The following NELL1 variants were observed in gnomAD, a reference collection of about 807,000 sequenced individuals.
The protein encoded by NELL1 is neural EGFL like 1.
NELL1 carries 76 observed loss-of-function variants against 107.4 expected under a neutral mutation model. The observed-to-expected ratio is 0.71, with a 90% CI of 0.59 to 0.86. The LOEUF is 0.86. Among genes scored for constraint, NELL1 ranks in the 40% least tolerant of loss-of-function variants. The pLI is 0.00. For missense variants in NELL1, 1,024 were observed against 1,005.5 expected (o/e 1.02, Z -0.25); for synonymous variants, 353 against 341.2 (o/e 1.03, Z -0.38).
intron 3 of NELL1, among the ~76,000 whole-genome samples, chr11:20,806,306 T>C (rs1366645378): frequency 1.3e-5 from 2 of 151,752 alleles, no homozygotes; most frequent in Non-Finnish European, 2.9e-5. Flanking sequence ...GTTTGCCAGA[T>C]ATACTATTCC....
At chr11:20,786,083 G>A (rs989671275) in intron 3 of NELL1, among the ~76,000 whole-genome samples, 7 of 150,188 alleles carry the variant, frequency 4.7e-5, no homozygotes, top group Non-Finnish European at 1.5e-5. Flanking sequence ...GGGCACTGTG[G>A]CTCATGCCTG....
intron 1 of NELL1, chr11:20,674,490 A>G: frequency 6.5e-7 from 1 of 1,536,052 alleles, no homozygotes; most frequent in Non-Finnish European, 8.7e-7. Flanking sequence ...TTCCTACAGC[A>G]GAAGATATGA....
intron 9 of NELL1, among the ~76,000 whole-genome samples, chr11:20,931,714 T>A (rs962130724): frequency 1.3e-5 from 2 of 152,216 alleles, no homozygotes; most frequent in Non-Finnish European, 2.9e-5. Context: ...CATTTAATGT[T>A]GTGAGGGATA....
chr11:21,329,077 A>G (rs779870591), intron 14 of NELL1, among the ~76,000 whole-genome samples: 3 of 152,142 alleles, frequency 2.0e-5, no homozygotes, highest in Non-Finnish European at 4.4e-5. Flanking sequence ...ATGTTACAAA[A>G]CATGAGAACT....
chr11:20,784,486 G>A (rs1590291051), intron 3 of NELL1, among the ~76,000 whole-genome samples: 1 of 152,274 alleles, frequency 6.6e-6, no homozygotes, highest in East Asian at 1.9e-4. Flanking sequence ...CACATGGGTA[G>A]GTAAGTCGTT....
chr11:21,247,625 T>A (rs1394187625), intron 14 of NELL1, among the ~76,000 whole-genome samples: 2 of 152,210 alleles, frequency 1.3e-5, no homozygotes, highest in African/African-American at 4.8e-5. Context: ...CTGAAGGACC[T>A]ACGTGGGGTA....
chr11:20,872,671 GGTGTGTGT>G (rs61184129), intron 4 of NELL1, among the ~76,000 whole-genome samples: 130 of 137,170 alleles, frequency 9.5e-4, no homozygotes, highest in South Asian at 7.9e-3. Flanking sequence ...CAGTGTTTGA[GGTGTGTGT>G]GTGTGTGTGT....
In NELL1 at chr11:20,847,323, T is replaced by C. The variant is rs138619373; in HGVS notation, c.336-260T>C. On this transcript the variant is annotated intron_variant, in intron 3 of 19. Transcript: ENST00000357134. Reference sequence around the variant, plus strand: ...GTATTTAAGAAACACTGCACTGAGTTTTGCTAATTAGCTGTGGCTTGTTAC... The same window carrying C: ...GTATTTAAGAAACACTGCACTGAGTCTTGCTAATTAGCTGTGGCTTGTTAC... 5.3e-4 allele frequency among the ~76,000 whole-genome samples: 80 copies of C among 152,282 alleles called. 1 individual carries two copies. The highest frequency in any genetic ancestry group is 1.9e-3 in the South Asian group (9 of 4,808).
Position 20,765,164 on chromosome 11 carries a change from A to G in NELL1, c.185-18516A>G, listed in dbSNP as rs542025160. ...CAGAGCAAGACCCTGTCTTTGTTAA[A>G]AAAAAAAAATAAAATGAGGCAGATA... On this transcript the variant is annotated intron_variant, in intron 2 of 19. Coordinates refer to ENST00000357134, the MANE Select transcript of NELL1 (RefSeq NM_006157.5). Among the ~76,000 whole-genome samples, 4 of 145,482 alleles carry G rather than the reference A, an allele frequency of 2.7e-5. No homozygotes were observed. The Admixed American group carries it at 2.8e-4, about 10-fold the overall frequency.
At chr11:21,236,142 TG>T (rs565414991) in intron 14 of NELL1, among the ~76,000 whole-genome samples, 180 of 152,284 alleles carry the variant, frequency 1.2e-3, no homozygotes, top group South Asian at 2.7e-3. Context: ...TTCTTCCAAC[TG>T]AAATCCTATT....
chr11:21,309,276 A>G (rs867745992), intron 14 of NELL1, among the ~76,000 whole-genome samples: 1 of 15,756 alleles, frequency 6.3e-5, no homozygotes, highest in Admixed American at 6.3e-4. Context: ...ATATATATAT[A>G]TATGTATATA....
At chr11:21,540,554 G>A (rs1393252752) in intron 16 of NELL1, among the ~76,000 whole-genome samples, 1 of 152,094 alleles carries the variant, frequency 6.6e-6, no homozygotes, top group Non-Finnish European at 1.5e-5. Flanking sequence ...TCTACAGGCT[G>A]TACAGGAAGC....
intron 13 of NELL1, among the ~76,000 whole-genome samples, chr11:21,215,836 C>T (rs1291316629): frequency 6.6e-6 from 1 of 151,990 alleles, no homozygotes; most frequent in Admixed American, 6.6e-5. Context: ...TGCAGCCTGA[C>T]AATGTAATAG....
Position 20,960,347 on chromosome 11 carries a change from A to G in NELL1, c.1172-85A>G, listed in dbSNP as rs1454721371. 4 of 1,350,496 alleles carry G rather than the reference A, an allele frequency of 3.0e-6. No individual in the cohort carries two copies. In the East Asian group the frequency reaches 7.1e-5, roughly 24 times the overall value. 83.7% of individuals were successfully genotyped at this position (1,350,496 alleles called of 1,614,324 possible). On this transcript the variant is annotated intron_variant, in intron 11 of 19. Coordinates refer to ENST00000357134, the MANE Select transcript of NELL1 (RefSeq NM_006157.5). ...AGTGTATTTTCCTGCATAGTGACATATAATAAAAAATGTTACATACTTTAT... is the reference window on the plus strand; with the variant it reads ...AGTGTATTTTCCTGCATAGTGACATGTAATAAAAAATGTTACATACTTTAT...
At chr11:20,919,859 G>C (rs557908182) in intron 7 of NELL1, among the ~76,000 whole-genome samples, 3 of 152,176 alleles carry the variant, frequency 2.0e-5, no homozygotes, top group African/African-American at 7.2e-5. Flanking sequence ...AACACCTTCG[G>C]TTTTATAATT....
chr11:20,863,506 G>A (rs962614719), intron 4 of NELL1, among the ~76,000 whole-genome samples: 4 of 150,304 alleles, frequency 2.7e-5, no homozygotes, highest in Non-Finnish European at 5.9e-5. Context: ...CCTCCCAGAC[G>A]GGGTCGCGGC....
chr11:21,497,426 G>A (rs1855012032), intron 15 of NELL1, among the ~76,000 whole-genome samples: 2 of 152,028 alleles, frequency 1.3e-5, no homozygotes, highest in Non-Finnish European at 2.9e-5. Flanking sequence ...TTTCTGGATA[G>A]CATATTATTT....
At chr11:20,755,541 TTTTTTTTTGTTTTTGTTTTTG>T (rs1856246036) in intron 2 of NELL1, among the ~76,000 whole-genome samples, 1 of 13,468 alleles carries the variant, frequency 7.4e-5, no homozygotes, top group Non-Finnish European at 3.1e-4. Context: ...TGGGTTTTTG[TTTTTTTTTGTTTTTGTTTTTG>T]TTTTTTTTTT....
intron 12 of NELL1, among the ~76,000 whole-genome samples, chr11:21,043,389 G>T (rs1208240001): frequency 6.6e-6 from 1 of 152,094 alleles, no homozygotes. Context: ...AAGTCCTTAA[G>T]GTTAGAAAGA....
Sources: gnomAD v4.1 joint callset for allele counts (sites outside exome capture counted in the v4.1 genomes callset) on GRCh38, gnomAD v4.1.1 for gene constraint, MANE v1.5 for transcripts, NCBI Gene and HGNC (gene_info 2026-07-23, HGNC 2026-07-21) for gene names.